TUT4: variants seen among roughly 807,000 people sequenced by gnomAD.
The protein encoded by TUT4 is terminal uridylyltransferase 4.
TUT4 carries 36 observed loss-of-function variants against 192.2 expected under a neutral mutation model. The ratio of observed to expected loss-of-function variants is 0.19; its 90% CI spans 0.14 to 0.25. TUT4 has a LOEUF of 0.25. TUT4 is among the 10% of genes least tolerant of loss of function. The probability of loss-of-function intolerance (pLI) is 1.00; values close to 1 mark genes in which losing one functional copy is unlikely to be tolerated. For missense variants in TUT4, 1,493 were observed against 1,957.2 expected (o/e 0.76, Z 4.47); for synonymous variants, 618 against 666.0 (o/e 0.93, Z 1.11).
intron 16 of TUT4, 29 bp downstream of exon 16, chr1:52,465,041 C>T (rs1663735228): frequency 6.5e-7 from 1 of 1,529,374 alleles, no homozygotes; most frequent in Non-Finnish European, 8.8e-7. Flanking sequence ...AGAAAATAAA[C>T]TTACATAACG....
intron 20 of TUT4, 148 bp from the exon 21 acceptor site, chr1:52,446,815 T>C (rs1657647974): frequency 1.7e-6 from 1 of 589,396 alleles, no homozygotes; most frequent in African/African-American, 1.9e-5. Context: ...TATAATTTGA[T>C]GCCAAGAAGT....
chr1:52,551,033 T>G (rs1230527830), intron 1 of TUT4, among the ~76,000 whole-genome samples: 3 of 152,142 alleles, frequency 2.0e-5, no homozygotes, highest in African/African-American at 7.2e-5. Context: ...AAACAGCTCT[T>G]TGTTAATCAG....
At chr1:52,530,248 G>A (rs1271307140) in intron 1 of TUT4, among the ~76,000 whole-genome samples, 2 of 108,642 alleles carry the variant, frequency 1.8e-5, no homozygotes, top group Non-Finnish European at 3.5e-5. Context: ...GACAGAGTGA[G>A]ACTCCATCTC....
intron 28 of TUT4, among the ~76,000 whole-genome samples, chr1:52,428,600 T>C (rs1229564527): frequency 1.5e-5 from 2 of 136,294 alleles, no homozygotes; most frequent in South Asian, 2.4e-4. Context: ...CACTCCAGCC[T>C]GGGTGACAAA....
chr1:52,466,581 T>C (rs562904161), intron 15 of TUT4, among the ~76,000 whole-genome samples: 53 of 148,456 alleles, frequency 3.6e-4, no homozygotes, highest in African/African-American at 1.3e-3. Context: ...AAGGCTGAAG[T>C]GAACCCTGAT....
chr1:52,437,127 C>A, intron 25 of TUT4, 149 bp from the exon 26 acceptor site: 1 of 1,090,266 alleles, frequency 9.2e-7, no homozygotes. Flanking sequence ...TATGGCACAC[C>A]TGCTCATTTG....
At chr1:52,529,571 T>G (rs1200789511) in intron 1 of TUT4, among the ~76,000 whole-genome samples, 1 of 148,530 alleles carries the variant, frequency 6.7e-6, no homozygotes, top group African/African-American at 2.6e-5. Context: ...GCTATAACGA[T>G]TCTTTAATAA....
In TUT4 at chr1:52,441,312, G is replaced by A. The variant is rs544937251; in HGVS notation, c.3823-2977C>T. On this transcript the variant is annotated intron_variant, in intron 24 of 29. Coordinates refer to ENST00000257177, the MANE Select transcript of TUT4 (RefSeq NM_001009881.3). ...TTTTTTTTTTTTTTTGAGACAGAGT[G>A]TCGTTCTGTTGCCCAGGCTGGAGTG... 2.1e-5 allele frequency among the ~76,000 whole-genome samples: 3 copies of A among 145,254 alleles called. No homozygotes were observed. The East Asian group carries it at 6.1e-4, about 30-fold the overall frequency.
At chr1:52,483,314 G>A (rs892999579) in intron 9 of TUT4, among the ~76,000 whole-genome samples, 7 of 152,030 alleles carry the variant, frequency 4.6e-5, no homozygotes, top group Non-Finnish European at 1.0e-4. Flanking sequence ...TTTAATTATA[G>A]ATAATAACCC....
intron 24 of TUT4, among the ~76,000 whole-genome samples, chr1:52,443,767 A>C (rs536386202): frequency 2.0e-5 from 3 of 152,212 alleles, no homozygotes; most frequent in African/African-American, 4.8e-5. Context: ...TGTATCAAAA[A>C]AACAAAAATA....
rs778000459 is a variant in TUT4, at chr1:52,481,816, T to C, written c.1623A>G (p.Leu541=). The change falls in exon 10 of 30, where the codon TTA becomes TTG. Residue 541 remains leucine, a synonymous_variant. Coordinates refer to ENST00000257177, the MANE Select transcript of TUT4 (RefSeq NM_001009881.3). ...AATTCATGCTTACCCAACTTCCAAGTAAGCAAGGAAGAAGAGGGGGTTTTC... is the reference window on the plus strand; with the variant it reads ...AATTCATGCTTACCCAACTTCCAAGCAAGCAAGGAAGAAGAGGGGGTTTTC... ...QQRKPPLLPC[L]LGSWIEGFDP... 2 of 1,587,042 alleles carry C rather than the reference T, an allele frequency of 1.3e-6. No individual in the cohort carries two copies. The highest frequency in any genetic ancestry group is 8.5e-7 in the Non-Finnish European group (1 of 1,172,712).
chr1:52,552,824 G>T (rs549456466), intron 1 of TUT4, 107 bp downstream of exon 1: 1 of 152,462 alleles, frequency 6.6e-6, no homozygotes, highest in Non-Finnish European at 1.5e-5. Flanking sequence ...CCAGGCCCCC[G>T]ACACCTGCGA....
intron 24 of TUT4, among the ~76,000 whole-genome samples, chr1:52,438,866 T>C (rs1654616663): frequency 6.6e-6 from 1 of 152,048 alleles, no homozygotes. Context: ...GGTCAGGAGT[T>C]CGAGACCAGC....
In TUT4 at chr1:52,438,340, G is replaced by GGA. The variant is rs1330349816; in HGVS notation, c.3823-7_3823-6dup. ...TCTGGAATCAAAGAAGTACTCCTAG[G>GGA]GAGAAAATGCAATTTTACTAGGAGG... On this transcript the variant is annotated splice_region_variant and splice_polypyrimidine_tract_variant and intron_variant, in intron 24 of 29. Coordinates refer to ENST00000257177, the MANE Select transcript of TUT4 (RefSeq NM_001009881.3). 6.3e-7 allele frequency: 1 copy of GGA among 1,595,002 alleles called. No homozygotes were observed. The highest frequency in any genetic ancestry group is 1.1e-5 in the South Asian group (1 of 87,352).
chr1:52,508,980 T>A (rs1212118453), intron 4 of TUT4, among the ~76,000 whole-genome samples: 1 of 152,196 alleles, frequency 6.6e-6, no homozygotes, highest in East Asian at 1.9e-4. Context: ...TTTGTTCCAA[T>A]CATACTAGAC....
chr1:52,538,166 G>A (rs1394332843), intron 1 of TUT4, among the ~76,000 whole-genome samples: 5 of 152,142 alleles, frequency 3.3e-5, no homozygotes, highest in African/African-American at 4.8e-5. Context: ...AATCCAGGAG[G>A]TGGAGGTTGC....
chr1:52,506,407 T>C (rs921883100), intron 4 of TUT4, among the ~76,000 whole-genome samples: 3 of 152,160 alleles, frequency 2.0e-5, no homozygotes, highest in Admixed American at 6.5e-5. Context: ...CTGGGAAGTA[T>C]TTCTCCTCTT....
At chr1:52,509,517 T>G in intron 4 of TUT4, 79 bp downstream of exon 4, 1 of 871,364 alleles carries the variant, frequency 1.1e-6, no homozygotes. Context: ...ATTTCATTTT[T>G]AGTTTCACAA....
intron 20 of TUT4, among the ~76,000 whole-genome samples, chr1:52,449,242 T>A (rs546577015): frequency 6.6e-6 from 1 of 152,338 alleles, no homozygotes; most frequent in East Asian, 1.9e-4. Flanking sequence ...AGAATGACCC[T>A]AAACATTTCC....
Sources: allele counts gnomAD v4.1 joint callset (sites outside exome capture counted in the v4.1 genomes callset), GRCh38; gene constraint gnomAD v4.1.1; transcripts MANE v1.5; gene names NCBI Gene and HGNC (gene_info 2026-07-23, HGNC 2026-07-21).